CCNI2: variants seen among roughly 807,000 people sequenced by gnomAD.
The protein encoded by CCNI2 is cyclin I family member 2, also known as cyclin-I2.
In CCNI2, 32 loss-of-function variants were observed where a neutral mutation model predicts 33.2. The ratio of observed to expected loss-of-function variants is 0.96; its 90% CI spans 0.73 to 1.30. CCNI2 has a LOEUF of 1.30. Ranked by LOEUF, CCNI2 falls within the 50% of genes most tolerant of loss-of-function variation. The probability of loss-of-function intolerance (pLI) is 0.00; values close to 1 mark genes in which losing one functional copy is unlikely to be tolerated. For missense variants in CCNI2, 452 were observed against 486.2 expected, an observed-to-expected ratio of 0.93 and a Z score of 0.66; for synonymous variants, 231 against 219.9, an observed-to-expected ratio of 1.05 and a Z score of -0.45.
chr5:132,748,536 C>A, intron 2 of CCNI2, 61 bp downstream of exon 2: 1 of 1,596,442 alleles, frequency 6.3e-7, no homozygotes, highest in Non-Finnish European at 8.5e-7. Flanking sequence ...CTTTGCTCCC[C>A]ATTCCTGCTT....
chr5:132,755,281 T>G (rs1755224176), downstream of CCNI2, among the ~76,000 whole-genome samples: 1 of 152,172 alleles, frequency 6.6e-6, no homozygotes, highest in Non-Finnish European at 1.5e-5. Context: ...ATCACTTCTT[T>G]TCACCAGTCT....
At position 132,752,220 on chromosome 5, in the gene CCNI2, C is replaced by T. The variant is rs756433145; in HGVS notation, c.1005+24C>T. On this transcript the variant is annotated intron_variant, in intron 5 of 5. Coordinates refer to ENST00000378731, the MANE Select transcript of CCNI2 (RefSeq NM_001039780.4). ...AGGTAGACATCAACTTTGCCCCAGACCAGGCTCTGTGTTTTGCCCCTTTAG... is the reference window on the plus strand; with the variant it reads ...AGGTAGACATCAACTTTGCCCCAGATCAGGCTCTGTGTTTTGCCCCTTTAG... 14 of 1,546,352 alleles carry T rather than the reference C, an allele frequency of 9.1e-6. No individual in the cohort carries two copies. The Middle Eastern group carries it at 5.8e-4, about 64-fold the overall frequency.
In CCNI2 at chr5:132,747,739, A is replaced by G; in HGVS notation, c.244A>G (p.Thr82Ala). The G allele has an allele frequency of 6.8e-7, 1 of 1,473,972 alleles. No individual in the cohort carries two copies. The highest frequency in any genetic ancestry group is 8.9e-7 in the Non-Finnish European group (1 of 1,120,708). 91.3% of individuals were successfully genotyped at this position (1,473,972 alleles called of 1,614,324 possible). A position where few individuals can be genotyped will look rare whatever the true frequency, so the allele number is the denominator to read the frequency against. ...AAVPVRPRRGTAPAGKTADAV... is the reference protein window; with the variant it reads ...AAVPVRPRRGAAPAGKTADAV... ...AGTCCCCGTGCGGCCCCGGCGCGGT[A>G]CGGCGCCAGCCGGGAAAACCGCAGA... The change falls in exon 1 of 6, where the codon ACG (threonine) becomes GCG (alanine). Residue 82 changes from threonine (T) to alanine (A), a missense_variant. Physicochemically the swap from Thr to Ala is moderately conservative, Grantham distance 58. Coordinates refer to ENST00000378731, the MANE Select transcript of CCNI2 (RefSeq NM_001039780.4). This position sits in a 1 kb window ranked among gnomAD's most constrained non-coding sequence, Gnocchi z 4.1.
chr5:132,752,940 C>T lies in CCNI2; in HGVS notation c.1080C>T (p.Cys360=), dbSNP rs745638121. The change falls in exon 6 of 6, where the codon TGC becomes TGT. Residue 360 remains cysteine (C), a synonymous_variant. Coordinates refer to ENST00000378731, the MANE Select transcript of CCNI2 (RefSeq NM_001039780.4). The part of the protein sequence containing the change: ...QQLRSLQSSS[C]TDNFVSPAN ...TGAGAAGTCTTCAGTCATCCTCCTG[C>T]ACAGACAACTTTGTGTCACCTGCCA... 7 of 1,614,122 alleles carry T rather than the reference C, an allele frequency of 4.3e-6. No individual in the cohort carries two copies. The highest frequency in any genetic ancestry group is 3.3e-4 in the Middle Eastern group (2 of 6,028).
chr5:132,748,949 G>GAA (rs567844480), intron 2 of CCNI2, among the ~76,000 whole-genome samples: 2 of 151,756 alleles, frequency 1.3e-5, no homozygotes, highest in African/African-American at 4.8e-5. Flanking sequence ...TTAAAAATGG[G>GAA]AAAAAAAAGC....
At position 132,749,386 on chromosome 5, in the gene CCNI2, C is replaced by T. The variant is rs758312892; in HGVS notation, c.597C>T (p.Ser199=). 2.5e-6 allele frequency: 4 copies of T among 1,614,150 alleles called. No homozygotes were observed. The highest frequency in any genetic ancestry group is 1.1e-5 in the South Asian group (1 of 91,074). Residue 199 remains serine (S), a synonymous_variant, in exon 3 of 6, where the codon TCC becomes TCT. Transcript: ENST00000378731. ...EKYLHCATIT[S]LRLAAKVNEE... is the part of the protein sequence containing the mutation. ...ACCTGCATTGCGCCACAATTACTTC[C>T]TTGAGGCTCGCTGCAAAAGTTAATG...
At position 132,753,389 on chromosome 5, in the gene CCNI2, AC is replaced by A; in HGVS notation, c.*421del. ...AGCTCTGACCAGTTCTTGCTGCTCT[AC>A]CTGCCAGAGCTGGCCAGGTCCTTCC... On this transcript the variant is annotated 3_prime_UTR_variant, in exon 6 of 6. Transcript: ENST00000378731. 1 of 183,812 alleles carries A rather than the reference AC, an allele frequency of 5.4e-6. No individual in the cohort carries two copies. The highest frequency in any genetic ancestry group is 5.4e-5 in the Admixed American group (1 of 18,608). 11.4% of individuals were successfully genotyped at this position (183,812 alleles called of 1,614,324 possible). A position where few individuals can be genotyped will look rare whatever the true frequency, so the allele number is the denominator to read the frequency against.
At chr5:132,751,312 C>A in intron 4 of CCNI2, 1 of 260,380 alleles carries the variant, frequency 3.8e-6, no homozygotes, top group Non-Finnish European at 7.2e-6. Flanking sequence ...GAATACTGTA[C>A]ATAAATATCT....
Position 132,752,985 on chromosome 5 carries a change from C to T in CCNI2, c.*15C>T, listed in dbSNP as rs775565294. 6.2e-7 allele frequency: 1 copy of T among 1,602,520 alleles called. No individual in the cohort carries two copies. Among genetic ancestry groups the T allele is most frequent in the East Asian group, 2.2e-5 (1 of 44,830 alleles). ...CTGCCAACTAGCCCCTCTGCCTCCA[C>T]CCCGGGGCTTTCAGAGCATAGTGTG... On this transcript the variant is annotated 3_prime_UTR_variant, in exon 6 of 6. Transcript: ENST00000378731.
chr5:132,747,880 GC>G lies in CCNI2; in HGVS notation c.388del (p.Gln130ArgfsTer53). The G allele has an allele frequency of 7.0e-7, 1 of 1,423,530 alleles. No homozygotes were observed. The highest frequency in any genetic ancestry group is 9.1e-7 in the Non-Finnish European group (1 of 1,097,932). 88.2% of individuals were successfully genotyped at this position (1,423,530 alleles called of 1,614,324 possible). On this transcript the variant is annotated frameshift_variant, in exon 1 of 6. Transcript: ENST00000378731. LOFTEE classifies it high-confidence loss of function. The surrounding 1 kb of genome is among the most constrained non-coding windows in gnomAD (Gnocchi z 4.1). Reference protein sequence around the residue: ...ERRLLCHLQLAQDREARLWRG... With the variant: ...ERRLLCHLQLXQDREARLWRG... ...CCGGCTGCTCTGCCACTTGCAGCTGGCCCAGGACCGCGAGGCGCGCCTGTGG... is the reference window on the plus strand; with the variant it reads ...CCGGCTGCTCTGCCACTTGCAGCTGGCCAGGACCGCGAGGCGCGCCTGTGG...
chr5:132,749,276 A>G, intron 2 of CCNI2, 72 bp from the exon 3 acceptor site: 1 of 1,285,620 alleles, frequency 7.8e-7, no homozygotes, highest in Non-Finnish European at 1.1e-6. Context: ...ATAAAAGAAA[A>G]CAAACACAGA....
chr5:132,748,470 GTGAAGGT>G lies in CCNI2; in HGVS notation c.554_558+2del. 6.2e-7 allele frequency: 1 copy of G among 1,614,178 alleles called. No individual in the cohort carries two copies. The highest frequency in any genetic ancestry group is 1.1e-5 in the South Asian group (1 of 91,086). ...CATCTTTGGCCGCCTCCTGATTTCAGTGAAGGTAGGGAGGCCTCTGAGGGACGGTGGC... is the reference window on the plus strand; with the variant it reads ...CATCTTTGGCCGCCTCCTGATTTCAGAGGGAGGCCTCTGAGGGACGGTGGC... On this transcript the variant is annotated splice_donor_variant and coding_sequence_variant, in exon 2 of 6. Transcript: ENST00000378731. LOFTEE classifies it high-confidence loss of function.
rs1412066793 is a variant in CCNI2, at chr5:132,747,675, C to A, written c.180C>A (p.Arg60=). The A allele has an allele frequency of 2.3e-5, 34 of 1,501,776 alleles. No individual in the cohort carries two copies. Among genetic ancestry groups the A allele is most frequent in the Non-Finnish European group, 2.8e-5 (32 of 1,132,688 alleles). The allele number at this position is 1,501,776 out of a possible 1,614,324, so 93.0% of individuals were successfully genotyped here. A position where few individuals can be genotyped will look rare whatever the true frequency, so the allele number is the denominator to read the frequency against. ...ACCGGAGCAGGTGCCCTGGGACCCG[C>A]CAGCCCGGAGCGGCCTCCCTCCACG... ...RSNRSRCPGT[R]QPGAASLHAA... The change falls in exon 1 of 6, where the codon CGC becomes CGA. Residue 60 remains arginine, a synonymous_variant. Transcript: ENST00000378731. This position sits in a 1 kb window ranked among gnomAD's most constrained non-coding sequence, Gnocchi z 4.1.
At chr5:132,748,498 G>A (rs762853529) in intron 2 of CCNI2, 23 bp downstream of exon 2, 5 of 1,612,832 alleles carry the variant, frequency 3.1e-6, no homozygotes, top group Non-Finnish European at 4.2e-6. Context: ...CTGAGGGACG[G>A]TGGCAGATGG....
Position 132,752,256 on chromosome 5 carries a change from C to T in CCNI2, c.1005+60C>T, listed in dbSNP as rs73787056. On this transcript the variant is annotated intron_variant, in intron 5 of 5. Coordinates refer to ENST00000378731, the MANE Select transcript of CCNI2 (RefSeq NM_001039780.4). ...GTTTTGCCCCTTTAGCTGACACACT[C>T]TGACCCCAAAGGGGTACCCTTTGCC... 3,024 of 1,509,072 alleles carry T rather than the reference C, an allele frequency of 2.0e-3. 74 individuals are homozygous for T. The African/African-American group carries it at 0.037, about 18-fold the overall frequency. 93.5% of individuals were successfully genotyped at this position (1,509,072 alleles called of 1,614,324 possible). A position where few individuals can be genotyped will look rare whatever the true frequency, so the allele number is the denominator to read the frequency against.
chr5:132,751,605 G>A (rs1012210145), intron 4 of CCNI2: 1 of 311,650 alleles, frequency 3.2e-6, no homozygotes, highest in Non-Finnish European at 5.9e-6. Flanking sequence ...GGCCACCGTT[G>A]CCAAGTTGCA....
At chr5:132,751,658 T>C (rs1192638608) in intron 4 of CCNI2, 2 of 439,102 alleles carry the variant, frequency 4.6e-6, no homozygotes, top group Non-Finnish European at 8.0e-6. Flanking sequence ...ACTTTTCTGC[T>C]ACCTTGGTCT....
In CCNI2 at chr5:132,752,167, C is replaced by T; in HGVS notation, c.976C>T (p.Pro326Ser). ...LERLMPGWCA[P>S]ISDLLKKAQV... The stretch of plus-strand genomic sequence containing the variant: ...GAGGCTCATGCCCGGCTGGTGTGCT[C>T]CTATATCTGATCTGCTAAAGAAAGC... The change falls in exon 5 of 6, where the codon CCT (proline) becomes TCT (serine). Residue 326 changes from proline to serine, a missense_variant. Pro to Ser is a moderately conservative substitution (Grantham distance 74). Transcript: ENST00000378731. 1.9e-6 allele frequency: 3 copies of T among 1,586,252 alleles called. No individual in the cohort carries two copies. The highest frequency in any genetic ancestry group is 2.6e-6 in the Non-Finnish European group (3 of 1,165,060).
At position 132,747,850 on chromosome 5, in the gene CCNI2, G is replaced by A; in HGVS notation, c.355G>A (p.Glu119Lys). 6.8e-7 allele frequency: 1 copy of A among 1,472,616 alleles called. No individual in the cohort carries two copies. 91.2% of individuals were successfully genotyped at this position (1,472,616 alleles called of 1,614,324 possible). Residue 119 changes from glutamate to lysine, a missense_variant, in exon 1 of 6, where the codon GAG becomes AAG. Transcript: ENST00000378731. The surrounding 1 kb of genome is among the most constrained non-coding windows in gnomAD (Gnocchi z 4.1). Reference sequence around the variant, plus strand: ...GCGCAACCTGGAAGGCGACCTGGACGAGCGCCGGCTGCTCTGCCACTTGCA... The same window carrying A: ...GCGCAACCTGGAAGGCGACCTGGACAAGCGCCGGCTGCTCTGCCACTTGCA... ...KPRNLEGDLD[E>K]RRLLCHLQLA...
Sources: allele counts gnomAD v4.1 joint callset (sites outside exome capture counted in the v4.1 genomes callset), GRCh38; gene constraint gnomAD v4.1.1; non-coding constraint Gnocchi (gnomAD v3.1); transcripts MANE v1.5; gene names NCBI Gene and HGNC (gene_info 2026-07-23, HGNC 2026-07-21).